The following DOCK6 variants were observed in gnomAD, a reference collection of about 807,000 sequenced individuals.
DOCK6 encodes dedicator of cytokinesis 6, also known as dedicator of cytokinesis protein 6.
DOCK6 carries 167 observed loss-of-function variants against 230.3 expected under a neutral mutation model. The ratio of observed to expected loss-of-function variants is 0.73; its 90% CI spans 0.64 to 0.82. The LOEUF (loss-of-function observed/expected upper bound fraction) is 0.82. DOCK6 is among the 40% of genes least tolerant of loss of function. The probability of loss-of-function intolerance (pLI) is 0.00; values close to 1 mark genes in which losing one functional copy is unlikely to be tolerated. For synonymous variants in DOCK6, 1,148 were observed against 1,185.0 expected (o/e 0.97, Z 0.64); for missense variants, 2,598 against 2,825.8 (o/e 0.92, Z 1.83).
chr19:11,251,342 C>G (rs903520537), intron 5 of DOCK6: 2 of 475,082 alleles, frequency 4.2e-6, no homozygotes, highest in African/African-American at 3.9e-5. Flanking sequence ...TGATCCTTAT[C>G]TGGTCAATCA....
At chr19:11,235,825 A>G (rs1034878813) in intron 20 of DOCK6, 66 bp from the exon 21 acceptor site, 108 of 1,512,026 alleles carry the variant, frequency 7.1e-5, no homozygotes, top group Non-Finnish European at 8.9e-5. Flanking sequence ...CCACTTTCCA[A>G]ATATAAAGAC....
chr19:11,210,560 C>A (rs2079363631), intron 37 of DOCK6, among the ~76,000 whole-genome samples: 1 of 145,932 alleles, frequency 6.9e-6, no homozygotes. Context: ...CTGTCCACCC[C>A]CTCACCTGTG....
chr19:11,199,682 G>T, intron 47 of DOCK6, 143 bp from the exon 48 acceptor site: 2 of 858,066 alleles, frequency 2.3e-6, no homozygotes, highest in South Asian at 3.0e-5. Context: ...CTGGCTGTGG[G>T]ATTCTCCGAT....
chr19:11,199,626 CTCG>C, intron 47 of DOCK6, 87 bp from the exon 48 acceptor site: 1 of 1,352,714 alleles, frequency 7.4e-7, no homozygotes, highest in Non-Finnish European at 1.0e-6. Context: ...CCTCCTCCTC[CTCG>C]TCTTCCTCCA....
chr19:11,260,454 C>A (rs1334535187), intron 1 of DOCK6, among the ~76,000 whole-genome samples: 2 of 151,686 alleles, frequency 1.3e-5, no homozygotes, highest in African/African-American at 4.8e-5. Context: ...GCAGCATACA[C>A]CTGTAGTCCC....
intron 24 of DOCK6, among the ~76,000 whole-genome samples, chr19:11,224,934 G>A (rs2079640883): frequency 6.6e-6 from 1 of 152,084 alleles, no homozygotes; most frequent in South Asian, 2.1e-4. Context: ...GGTGGTGGTG[G>A]GCGCCTATAG....
rs755557243 is a variant in DOCK6 at position 11,201,955 on chromosome 19, C to T, written c.5622G>A (p.Thr1874=). ...GELPEQHKRK[T]LLSTDHAFPY... ...GGAAGGCGTGGTCGGTGCTGAGCAG[C>T]GTCTTACGCTTGTGTTGCTCGGGCA... Residue 1874 remains threonine, a synonymous_variant, in exon 44 of 48, where the codon ACG becomes ACA. Transcript: ENST00000294618. This position sits in a 1 kb window ranked among gnomAD's most constrained non-coding sequence, Gnocchi z 4.3. The T allele has an allele frequency of 8.7e-6, 14 of 1,612,474 alleles. No individual in the cohort carries two copies. The highest frequency in any genetic ancestry group is 4.5e-5 in the East Asian group (2 of 44,810).
chr19:11,200,308 C>A lies in DOCK6; in HGVS notation c.6101G>T (p.Arg2034Met). The change falls in exon 47 of 48, where the codon AGG becomes ATG. Residue 2034 changes from arginine to methionine, a missense_variant and splice_region_variant. Arg to Met is a moderately conservative substitution (Grantham distance 91, BLOSUM62 -1). Transcript: ENST00000294618. This position sits in a 1 kb window ranked among gnomAD's most constrained non-coding sequence, Gnocchi z 4.3. ...QLMAPTPPGL[R>M]NSLNRASFRK... ...AGGATGGGGGCACTAGGTCAGGCAC[C>A]TGAGGCCGGGTGGGGTGGGTGCCAT... The A allele has an allele frequency of 6.4e-7, 1 of 1,561,918 alleles. No individual in the cohort carries two copies. Among genetic ancestry groups the A allele is most frequent in the Non-Finnish European group, 8.7e-7 (1 of 1,153,172 alleles).
chr19:11,236,365 C>A lies in DOCK6; in HGVS notation c.2373G>T (p.Pro791=). Residue 791 remains proline, a synonymous_variant, in exon 20 of 48, where the codon CCG becomes CCT. Transcript: ENST00000294618. This position sits in a 1 kb window ranked among gnomAD's most constrained non-coding sequence, Gnocchi z 5.2. ...GCTTACCAATCTGGCCACTGATGAT[C>A]GGGGGCCTGATGACCAGACGCACGA... ...DKLVRLVIRP[P]IISGQIVNLG... is the part of the protein sequence containing the mutation. 1 of 1,565,106 alleles carries A rather than the reference C, an allele frequency of 6.4e-7. No homozygotes were observed.
Position 11,202,766 on chromosome 19 carries a change from G to C in DOCK6, c.5236-57C>G, listed in dbSNP as rs757368217. ...GGAGGCCCCTGCTGGAGGTCTCCCT[G>C]CCCCAGAGATAGGTGTCTCGAATAT... On this transcript the variant is annotated intron_variant, in intron 41 of 47. Transcript: ENST00000294618. The surrounding 1 kb of genome is among the most constrained non-coding windows in gnomAD (Gnocchi z 5.3). The C allele has an allele frequency of 2.3e-4, 364 of 1,606,786 alleles. No homozygotes were observed. The highest frequency in any genetic ancestry group is 2.9e-4 in the Non-Finnish European group (347 of 1,179,744).
At position 11,216,941 on chromosome 19, in the gene DOCK6, G is replaced by A. The variant is rs781745889; in HGVS notation, c.3867C>T (p.Tyr1289=). The A allele has an allele frequency of 2.4e-5, 39 of 1,613,592 alleles. No individual in the cohort carries two copies. Among genetic ancestry groups the A allele is most frequent in the Non-Finnish European group, 3.1e-5 (37 of 1,179,890 alleles). Residue 1289 remains tyrosine (Y), a synonymous_variant, in exon 30 of 48, where the codon TAC becomes TAT. Transcript: ENST00000294618. The part of the protein sequence containing the change: ...PQLGRLLDLL[Y]LCLAAFEYKG... ...TGTACTCAAAGGCAGCTAGGCAAAG[G>A]TACAGCAAATCCAACAGACGTCCCA...
At chr19:11,225,520 T>TACAC (rs1055958231) in intron 24 of DOCK6, among the ~76,000 whole-genome samples, 10 of 150,034 alleles carry the variant, frequency 6.7e-5, no homozygotes, top group Non-Finnish European at 1.3e-4. Context: ...ACCCCATCTC[T>TACAC]ACACACACAC....
chr19:11,200,384 G>T lies in DOCK6; in HGVS notation c.6025C>A (p.Arg2009Ser). Reference sequence around the variant, plus strand: ...AGGGGCTGCAGAGCCTCCCGCAGGCGGCAGTAGTTGCGCTCCAGCTCACGG... The same window carrying T: ...AGGGGCTGCAGAGCCTCCCGCAGGCTGCAGTAGTTGCGCTCCAGCTCACGG... Reference protein sequence around the residue: ...YHRELERNYCRLREALQPLLT... With the variant: ...YHRELERNYCSLREALQPLLT... Residue 2009 changes from arginine (R) to serine (S), a missense_variant, in exon 47 of 48, where the codon CGC becomes AGC. Transcript: ENST00000294618. This position sits in a 1 kb window ranked among gnomAD's most constrained non-coding sequence, Gnocchi z 4.3. 6.2e-7 allele frequency: 1 copy of T among 1,603,376 alleles called. No homozygotes were observed. Among genetic ancestry groups the T allele is most frequent in the Non-Finnish European group, 8.5e-7 (1 of 1,175,364 alleles).
intron 13 of DOCK6, 91 bp downstream of exon 13, chr19:11,242,968 G>T: frequency 6.8e-7 from 1 of 1,467,910 alleles, no homozygotes. Context: ...TTGGGTCTCT[G>T]ATGCCCCTGG....
chr19:11,241,442 C>T (rs2079942019), intron 14 of DOCK6: 5 of 1,544,748 alleles, frequency 3.2e-6, no homozygotes, highest in South Asian at 1.2e-5. Context: ...CTGACCCCCA[C>T]AGGCTCACGC....
chr19:11,219,774 C>T (rs1362574591), intron 28 of DOCK6, among the ~76,000 whole-genome samples: 10 of 147,600 alleles, frequency 6.8e-5, no homozygotes, highest in South Asian at 2.2e-4. Context: ...TGGGCAAGAG[C>T]GAGACTCTGT....
chr19:11,235,861 C>T lies in DOCK6; in HGVS notation c.2393-102G>A, dbSNP rs2079838239. 17 of 1,163,558 alleles carry T rather than the reference C, an allele frequency of 1.5e-5. No individual in the cohort carries two copies. In the South Asian group the frequency reaches 2.9e-4, roughly 20 times the overall value. 72.1% of individuals were successfully genotyped at this position (1,163,558 alleles called of 1,614,324 possible). A position where few individuals can be genotyped will look rare whatever the true frequency, so the allele number is the denominator to read the frequency against. ...ATCAGGATTTGAGGGATCATGTGCT[C>T]ATTAAGGGGTCACAAATTTTTTTTT... On this transcript the variant is annotated intron_variant, in intron 20 of 47. Transcript: ENST00000294618.
chr19:11,252,699 G>A, intron 3 of DOCK6, 84 bp downstream of exon 3: 1 of 1,597,204 alleles, frequency 6.3e-7, no homozygotes, highest in Non-Finnish European at 8.6e-7. Flanking sequence ...TCACGGCCAA[G>A]CCAGGAGCTG....
At position 11,200,748 on chromosome 19, in the gene DOCK6, T is replaced by C; in HGVS notation, c.5907A>G (p.Lys1969=). 1 of 1,613,686 alleles carries C rather than the reference T, an allele frequency of 6.2e-7. No homozygotes were observed. Among genetic ancestry groups the C allele is most frequent in the South Asian group, 1.1e-5 (1 of 91,046 alleles). ...EDPKLFRHHN[K]LRLCFKDFCK... ...AGAAGTCCTTGAAGCAGAGCCGCAA[T>C]TTGTTGTGATGCCGGAAGAGCTTGG... Residue 1969 remains lysine, a synonymous_variant, in exon 46 of 48, where the codon AAA becomes AAG. Coordinates refer to ENST00000294618, the MANE Select transcript of DOCK6 (RefSeq NM_020812.4). The surrounding 1 kb of genome is among the most constrained non-coding windows in gnomAD (Gnocchi z 4.3).
Sources: allele counts gnomAD v4.1 joint callset (sites outside exome capture counted in the v4.1 genomes callset), GRCh38; gene constraint gnomAD v4.1.1; non-coding constraint Gnocchi (gnomAD v3.1); transcripts MANE v1.5; gene names NCBI Gene and HGNC (gene_info 2026-07-23, HGNC 2026-07-21).